Variants in DGCR8 observed in about 807,000 individuals in gnomAD.
The protein encoded by DGCR8 is microprocessor complex subunit DGCR8.
Under a neutral mutation model 78.5 loss-of-function variants are expected in DGCR8, and 14 were observed. That is an observed-to-expected ratio of 0.18 (90% CI 0.12 to 0.28). The LOEUF (loss-of-function observed/expected upper bound fraction) is 0.28. Among genes scored for constraint, DGCR8 ranks in the 10% least tolerant of loss-of-function variants. The pLI is 1.00. For synonymous variants in DGCR8, 399 were observed against 402.4 expected (o/e 0.99, Z 0.10); for missense variants, 702 against 1,022.5 (o/e 0.69, Z 4.28).
At chr22:20,092,686 C>A in intron 7 of DGCR8, 123 bp from the exon 8 acceptor site, 1 of 756,480 alleles carries the variant, frequency 1.3e-6, no homozygotes, top group Non-Finnish European at 2.1e-6. Flanking sequence ...TGCAGTCAAG[C>A]ACAGGCCCAC....
intron 9 of DGCR8, among the ~76,000 whole-genome samples, chr22:20,098,811 G>T (rs1211076117): frequency 6.6e-6 from 1 of 152,180 alleles, no homozygotes; most frequent in African/African-American, 2.4e-5. Flanking sequence ...TGTCTCACTG[G>T]ATTAGGCCCT....
chr22:20,094,122 C>T lies in DGCR8; in HGVS notation c.1706-591C>T, dbSNP rs189683848. Among the ~76,000 whole-genome samples the T allele has an allele frequency of 4.3e-4, 65 of 152,354 alleles. 2 individuals carry two copies. In the East Asian group the frequency reaches 0.011, roughly 26 times the overall value. On this transcript the variant is annotated intron_variant, in intron 8 of 13. Coordinates refer to ENST00000351989, the MANE Select transcript of DGCR8 (RefSeq NM_022720.7). ...TTTCCTCCCTATGTGCTGGAACCCACTTCCCTTGCCCAGACTCTTGGCTGC... is the reference window on the plus strand; with the variant it reads ...TTTCCTCCCTATGTGCTGGAACCCATTTCCCTTGCCCAGACTCTTGGCTGC...
chr22:20,091,366 C>A, intron 5 of DGCR8, 69 bp from the exon 6 acceptor site: 1 of 1,525,624 alleles, frequency 6.6e-7, no homozygotes, highest in Admixed American at 1.7e-5. Flanking sequence ...GCCCCATGCA[C>A]TGGGCTGTGA....
chr22:20,109,806 ATGT>A (rs1287801536), intron 13 of DGCR8, among the ~76,000 whole-genome samples: 2 of 152,190 alleles, frequency 1.3e-5, no homozygotes, highest in African/African-American at 2.4e-5. Flanking sequence ...GAGGCTGCAC[ATGT>A]TGTACTCTGA....
chr22:20,106,737 G>C, intron 11 of DGCR8, 39 bp downstream of exon 11: 2 of 1,468,090 alleles, frequency 1.4e-6, no homozygotes, highest in Non-Finnish European at 1.9e-6. Context: ...GCCGCTGGGC[G>C]GGCGGCCCCT....
At chr22:20,099,470 A>T (rs945600058) in intron 9 of DGCR8, among the ~76,000 whole-genome samples, 4 of 152,196 alleles carry the variant, frequency 2.6e-5, no homozygotes, top group Admixed American at 6.5e-5. Context: ...CAACAGTGAC[A>T]GTTCTCTGGG....
intron 9 of DGCR8, among the ~76,000 whole-genome samples, chr22:20,099,832 A>G (rs533878705): frequency 2.6e-5 from 4 of 152,300 alleles, no homozygotes; most frequent in Admixed American, 6.5e-5. Context: ...CTATGGTAGT[A>G]CTAACTTGCT....
chr22:20,080,526 A>G (rs1304053970), intron 1 of DGCR8, 143 bp downstream of exon 1: 1 of 970,138 alleles, frequency 1.0e-6, no homozygotes, highest in Non-Finnish European at 1.2e-6. Context: ...TTGTGAGGCA[A>G]CATGGCCGCG....
chr22:20,103,390 C>T (rs1442138692), intron 9 of DGCR8, among the ~76,000 whole-genome samples: 1 of 151,944 alleles, frequency 6.6e-6, no homozygotes, highest in Non-Finnish European at 1.5e-5. Flanking sequence ...TACCTTAGTT[C>T]CAATTGATTG....
chr22:20,104,083 C>T (rs578039237), intron 9 of DGCR8, among the ~76,000 whole-genome samples: 13 of 152,072 alleles, frequency 8.5e-5, no homozygotes, highest in Admixed American at 2.0e-4. Context: ...GAGCCTCCAC[C>T]TGTCCCTGGC....
Position 20,086,393 on chromosome 22 carries a change from G to C in DGCR8, c.430G>C (p.Val144Leu), listed in dbSNP as rs761204926. Residue 144 changes from valine (V) to leucine (L), a missense_variant, in exon 2 of 14, where the codon GTG (valine) becomes CTG (leucine). Coordinates refer to ENST00000351989, the MANE Select transcript of DGCR8 (RefSeq NM_022720.7). This position sits in a 1 kb window ranked among gnomAD's most constrained non-coding sequence, Gnocchi z 6.4. ...GCTGTACACAGGAGCAGAGCGCGACGTGCGGGCGGAGTGCGGTCTGCTCCT... is the reference window on the plus strand; with the variant it reads ...GCTGTACACAGGAGCAGAGCGCGACCTGCGGGCGGAGTGCGGTCTGCTCCT... ...KVLYTGAERD[V>L]RAECGLLLSP... 4 of 1,613,892 alleles carry C rather than the reference G, an allele frequency of 2.5e-6. No individual in the cohort carries two copies. The highest frequency in any genetic ancestry group is 2.7e-5 in the African/African-American group (2 of 74,920).
chr22:20,086,914 T>C lies in DGCR8; in HGVS notation c.720+231T>C, dbSNP rs2049491757. ...ATGGGTAGGCCCTGCATCCCTGATCTAGCGCGTGGGGCAGCAGGTGCTGCT... is the reference window on the plus strand; with the variant it reads ...ATGGGTAGGCCCTGCATCCCTGATCCAGCGCGTGGGGCAGCAGGTGCTGCT... On this transcript the variant is annotated intron_variant, in intron 2 of 13. Transcript: ENST00000351989. The surrounding 1 kb of genome is among the most constrained non-coding windows in gnomAD (Gnocchi z 6.4). The C allele has an allele frequency of 1.4e-6, 1 of 731,092 alleles. No homozygotes were observed. Among genetic ancestry groups the C allele is most frequent in the Non-Finnish European group, 2.2e-6 (1 of 462,384 alleles). The allele number at this position is 731,092 out of a possible 1,614,324, so 45.3% of individuals were successfully genotyped here.
Position 20,091,481 on chromosome 22 carries a change from G to A in DGCR8, c.1353G>A (p.Glu451=), listed in dbSNP as rs2049559492. The A allele has an allele frequency of 1.2e-6, 2 of 1,614,204 alleles. No homozygotes were observed. Among genetic ancestry groups the A allele is most frequent in the Non-Finnish European group, 1.7e-6 (2 of 1,180,028 alleles). ...ACCTGGAGAAGCGTTTTGACTTTGA[G>A]CAAGTTACTGTGAAAAAATTCAGGA... ...RSYLEKRFDF[E]QVTVKKFRTW... The change falls in exon 6 of 14, where the codon GAG becomes GAA. Residue 451 remains glutamate (E), a synonymous_variant. Transcript: ENST00000351989.
At chr22:20,098,290 A>G (rs1159111451) in intron 9 of DGCR8, among the ~76,000 whole-genome samples, 4 of 152,056 alleles carry the variant, frequency 2.6e-5, no homozygotes, top group Admixed American at 2.6e-4. Context: ...TGCTGGCATT[A>G]TACTTCAGTT....
chr22:20,106,325 C>G, intron 10 of DGCR8, 48 bp downstream of exon 10: 1 of 1,466,752 alleles, frequency 6.8e-7, no homozygotes, highest in Non-Finnish European at 9.5e-7. Context: ...GGGGGAGCTC[C>G]TCTCTGGCGT....
chr22:20,085,607 A>T lies in DGCR8; in HGVS notation c.-277-80A>T. On this transcript the variant is annotated intron_variant, in intron 1 of 13. Transcript: ENST00000351989. The surrounding 1 kb of genome is among the most constrained non-coding windows in gnomAD (Gnocchi z 6.2). Reference sequence around the variant, plus strand: ...TGAAGCCCTTTACTATGCTGTTAATAGTGCTTGGCTTTTAACTTGGTACCA... The same window carrying T: ...TGAAGCCCTTTACTATGCTGTTAATTGTGCTTGGCTTTTAACTTGGTACCA... 1 of 1,165,454 alleles carries T rather than the reference A, an allele frequency of 8.6e-7. No homozygotes were observed. The highest frequency in any genetic ancestry group is 1.1e-6 in the Non-Finnish European group (1 of 918,714). 72.2% of individuals were successfully genotyped at this position (1,165,454 alleles called of 1,614,324 possible).
At chr22:20,083,885 G>A (rs1432242876) in intron 1 of DGCR8, among the ~76,000 whole-genome samples, 1 of 152,200 alleles carries the variant, frequency 6.6e-6, no homozygotes, top group African/African-American at 2.4e-5. Flanking sequence ...AGCCTCTTGA[G>A]CGTCTTCAGC....
intron 9 of DGCR8, among the ~76,000 whole-genome samples, chr22:20,105,260 C>T (rs139006451): frequency 5.5e-4 from 84 of 152,334 alleles, no homozygotes; most frequent in African/African-American, 2.0e-3. Context: ...ATGCCGGGGC[C>T]ACCAGGAGCT....
intron 8 of DGCR8, among the ~76,000 whole-genome samples, chr22:20,094,273 C>G (rs560944973): frequency 7.9e-5 from 12 of 152,216 alleles, no homozygotes; most frequent in Non-Finnish European, 1.5e-4. Context: ...CCTCTAGCAG[C>G]TCCCTCTAGC....
Sources: allele counts gnomAD v4.1 joint callset (sites outside exome capture counted in the v4.1 genomes callset), GRCh38; gene constraint gnomAD v4.1.1; non-coding constraint Gnocchi (gnomAD v3.1); transcripts MANE v1.5; gene names NCBI Gene and HGNC (gene_info 2026-07-23, HGNC 2026-07-21).